Variants in RPRD2 observed in about 807,000 individuals in gnomAD.
The protein encoded by RPRD2 is regulation of nuclear pre-mRNA domain-containing protein 2.
Under a neutral mutation model 104.4 loss-of-function variants are expected in RPRD2, and 12 were observed. The ratio of observed to expected loss-of-function variants is 0.11; its 90% CI spans 0.07 to 0.19. The LOEUF (loss-of-function observed/expected upper bound fraction) is 0.19. Among genes scored for constraint, RPRD2 ranks in the 10% least tolerant of loss-of-function variants. The pLI, the probability that RPRD2 is intolerant of heterozygous loss-of-function variation, is 1.00. For synonymous variants in RPRD2, 714 were observed against 684.9 expected, an observed-to-expected ratio of 1.04 and a Z score of -0.66; for missense variants, 1,543 against 1,790.1, an observed-to-expected ratio of 0.86 and a Z score of 2.49.
chr1:150,377,481 C>A (rs868976111), intron 1 of RPRD2, among the ~76,000 whole-genome samples: 13 of 148,652 alleles, frequency 8.7e-5, no homozygotes, highest in African/African-American at 2.7e-4. Flanking sequence ...GCCTGTAGTC[C>A]CAGCTACTCG....
At chr1:150,431,473 A>AGTTTTTTTTTTTTTTTTTTTTT (rs1337827257) in intron 2 of RPRD2, among the ~76,000 whole-genome samples, 1 of 78,850 alleles carries the variant, frequency 1.3e-5, no homozygotes, top group Non-Finnish European at 2.4e-5. Context: ...AAAAGGAAGG[A>AGTTTTTTTTTTTTTTTTTTTTT]TTTTTTTTTT....
intron 7 of RPRD2, among the ~76,000 whole-genome samples, chr1:150,455,157 G>A (rs1553897309): frequency 6.6e-6 from 1 of 152,150 alleles, no homozygotes; most frequent in Non-Finnish European, 1.5e-5. Flanking sequence ...TCAATTGACA[G>A]TCTACAAAAT....
rs750117103 is a variant in RPRD2, at chr1:150,471,355, C to A, written c.2407C>A (p.Pro803Thr). Residue 803 changes from proline (P) to threonine (T), a missense_variant, in exon 11 of 11, where the codon CCT becomes ACT. Pro to Thr is a conservative substitution (Grantham distance 38, BLOSUM62 -1). This residue lies in a region of RPRD2 where 880 missense variants were observed against 885.6 expected (regional missense o/e 0.99). Transcript: ENST00000369068. The surrounding 1 kb of genome is among the most constrained non-coding windows in gnomAD (Gnocchi z 5.3). The part of the protein sequence containing the change: ...GLGSESPYKQ[P>T]SDGMERPSSL... Reference sequence around the variant, plus strand: ...GGGCAGTGAATCTCCCTATAAGCAGCCTTCTGATGGAATGGAGAGACCATC... The same window carrying A: ...GGGCAGTGAATCTCCCTATAAGCAGACTTCTGATGGAATGGAGAGACCATC... The A allele has an allele frequency of 1.9e-6, 3 of 1,613,714 alleles. No homozygotes were observed. Among genetic ancestry groups the A allele is most frequent in the Admixed American group, 1.7e-5 (1 of 59,994 alleles).
At chr1:150,459,011 A>G (rs782408155) in intron 8 of RPRD2, among the ~76,000 whole-genome samples, 3 of 152,204 alleles carry the variant, frequency 2.0e-5, no homozygotes, top group Non-Finnish European at 4.4e-5. Flanking sequence ...TGTGGCTTAA[A>G]TTGTATTCAT....
intron 2 of RPRD2, among the ~76,000 whole-genome samples, chr1:150,434,642 CCT>C (rs1213574392): frequency 6.6e-6 from 1 of 151,926 alleles, no homozygotes; most frequent in Non-Finnish European, 1.5e-5. Context: ...GTGGTGAAAC[CCT>C]GTCTCTACCA....
At position 150,457,517 on chromosome 1, in the gene RPRD2, A is replaced by T. The variant is rs781856664; in HGVS notation, c.1100A>T (p.Asp367Val). The T allele has an allele frequency of 1.9e-6, 3 of 1,613,798 alleles. No individual in the cohort carries two copies. In the African/African-American group the frequency reaches 4.0e-5, roughly 22 times the overall value. The change falls in exon 8 of 11, where the codon GAT (aspartate) becomes GTT (valine). Residue 367 changes from aspartate (D) to valine (V), a missense_variant. Physicochemically the swap from Asp to Val is radical, Grantham distance 152. Transcript: ENST00000369068. ...CCTGAACCTGTGACAGATAATCGTG[A>T]TGTGGAAGACATGGAACTCTCAGAT... is the stretch of plus-strand genomic sequence containing the variant. ...ATPEPVTDNR[D>V]VEDMELSDVE...
intron 9 of RPRD2, 75 bp from the exon 10 acceptor site, chr1:150,464,452 T>C: frequency 8.7e-7 from 1 of 1,154,858 alleles, no homozygotes; most frequent in Non-Finnish European, 1.3e-6. Flanking sequence ...ATCAAACTCA[T>C]TGAAGTGAGG....
Position 150,367,728 on chromosome 1 carries a change from C to CT in RPRD2, c.205+2821dup, listed in dbSNP as rs1208447376. On this transcript the variant is annotated intron_variant, in intron 1 of 10. Coordinates refer to ENST00000369068, the MANE Select transcript of RPRD2 (RefSeq NM_015203.5). ...GATATTTTTATTTTATCCTTCTTTA[C>CT]TTTTTTTTTTTTGAGATGGAGTCTC... Among the ~76,000 whole-genome samples the CT allele has an allele frequency of 3.4e-3, 501 of 145,310 alleles. 2 individuals carry two copies. The highest frequency in any genetic ancestry group is 5.6e-3 in the Non-Finnish European group (369 of 65,930).
intron 7 of RPRD2, among the ~76,000 whole-genome samples, chr1:150,447,331 G>A (rs114882167): frequency 0.014 from 2,044 of 145,498 alleles, 52 homozygotes; most frequent in African/African-American, 0.052. Context: ...CTGAATTAAG[G>A]AACTTTTTTT....
At chr1:150,462,295 A>T (rs1300609020) in intron 9 of RPRD2, among the ~76,000 whole-genome samples, 2 of 151,842 alleles carry the variant, frequency 1.3e-5, no homozygotes, top group African/African-American at 4.8e-5. Flanking sequence ...AAAAGAAAAA[A>T]TTCGCCAGCT....
At chr1:150,394,844 G>A (rs2102192690) in intron 1 of RPRD2, among the ~76,000 whole-genome samples, 1 of 152,272 alleles carries the variant, frequency 6.6e-6, no homozygotes, top group East Asian at 1.9e-4. Context: ...GCCTCCCAAA[G>A]TGTTGGGATT....
chr1:150,387,446 G>A (rs1265307355), intron 1 of RPRD2, among the ~76,000 whole-genome samples: 1 of 152,008 alleles, frequency 6.6e-6, no homozygotes, highest in Non-Finnish European at 1.5e-5. Flanking sequence ...CAGAGGGAAG[G>A]AGCATGATTG....
At chr1:150,448,059 TA>T (rs1666911900) in intron 7 of RPRD2, among the ~76,000 whole-genome samples, 1 of 152,226 alleles carries the variant, frequency 6.6e-6, no homozygotes, top group African/African-American at 2.4e-5. Flanking sequence ...CCATTAACAC[TA>T]GACTCCCTAC....
Position 150,431,473 on chromosome 1 carries a change from A to ATTTTTTTTTTTTTTTTTT in RPRD2, c.336-9443_336-9426dup, listed in dbSNP as rs1160491386. Among the ~76,000 whole-genome samples, 177 of 78,818 alleles carry ATTTTTTTTTTTTTTTTTT rather than the reference A, an allele frequency of 2.2e-3. 15 individuals are homozygous for ATTTTTTTTTTTTTTTTTT. Among genetic ancestry groups the ATTTTTTTTTTTTTTTTTT allele is most frequent in the East Asian group, 3.1e-3 (6 of 1,920 alleles). 51.7% of individuals were successfully genotyped at this position (78,818 alleles called of 152,430 possible). Reference sequence around the variant, plus strand: ...TATTATTCAGTCTTAAAAAGGAAGGATTTTTTTTTTTTTTTTTTTTTTTTG... The same window carrying ATTTTTTTTTTTTTTTTTT: ...TATTATTCAGTCTTAAAAAGGAAGGATTTTTTTTTTTTTTTTTTTTTTTTTTTTTTTTTTTTTTTTTTG... On this transcript the variant is annotated intron_variant, in intron 2 of 10. Transcript: ENST00000369068.
At chr1:150,388,383 CGT>C (rs1491148818) in intron 1 of RPRD2, among the ~76,000 whole-genome samples, 7 of 149,990 alleles carry the variant, frequency 4.7e-5, no homozygotes, top group African/African-American at 1.7e-4. Flanking sequence ...CACATATACA[CGT>C]ATACACATGT....
chr1:150,368,221 TTTTA>T (rs202138359), intron 1 of RPRD2, among the ~76,000 whole-genome samples: 299 of 144,006 alleles, frequency 2.1e-3, no homozygotes, highest in African/African-American at 6.1e-3. Flanking sequence ...TTTTTTTTTT[TTTTA>T]ATACGGAGTC....
intron 7 of RPRD2, among the ~76,000 whole-genome samples, chr1:150,447,245 C>G (rs1319710701): frequency 6.6e-6 from 1 of 151,638 alleles, no homozygotes. Context: ...TGTGAGCCAC[C>G]GTCCCTGGCC....
rs1668528582 is a variant in RPRD2 at position 150,470,686 on chromosome 1, T to C, written c.1738T>C (p.Ser580Pro). 4.3e-6 allele frequency: 7 copies of C among 1,614,050 alleles called. No individual in the cohort carries two copies. Among genetic ancestry groups the C allele is most frequent in the Non-Finnish European group, 5.9e-6 (7 of 1,179,908 alleles). The stretch of plus-strand genomic sequence containing the variant: ...TACCATAAAGGGAAGAAATCTGCCC[T>C]CCAGTGCCCAACCTTTTATTCCCAA... ...VSTIKGRNLPSSAQPFIPKSF... is the reference protein window; with the variant it reads ...VSTIKGRNLPPSAQPFIPKSF... The change falls in exon 11 of 11, where the codon TCC (serine) becomes CCC (proline). Residue 580 changes from serine to proline, a missense_variant. Transcript: ENST00000369068.
intron 2 of RPRD2, among the ~76,000 whole-genome samples, chr1:150,431,303 C>T (rs1270200554): frequency 6.6e-6 from 1 of 151,868 alleles, no homozygotes; most frequent in African/African-American, 2.4e-5. Flanking sequence ...ATATATACCC[C>T]AAAAGAAATG....
Sources: gnomAD v4.1 joint callset for allele counts (sites outside exome capture counted in the v4.1 genomes callset) on GRCh38, gnomAD v4.1.1 for gene constraint, gnomAD v4.1.1 regional missense constraint, Gnocchi (gnomAD v3.1) non-coding constraint, MANE v1.5 for transcripts, NCBI Gene and HGNC (gene_info 2026-07-23, HGNC 2026-07-21) for gene names.